The following GALNT3 variants were observed in gnomAD, a reference collection of about 807,000 sequenced individuals.
GALNT3 encodes the protein polypeptide N-acetylgalactosaminyltransferase 3, also known as GalNAc transferase 3.
Under a neutral mutation model 69.8 loss-of-function variants are expected in GALNT3, and 51 were observed. That is an observed-to-expected ratio of 0.73 (90% CI 0.58 to 0.92). The LOEUF (loss-of-function observed/expected upper bound fraction) is 0.92, where lower values mean the gene tolerates loss of function less well. Among genes scored for constraint, GALNT3 ranks in the 40% least tolerant of loss-of-function variants. GALNT3 has a pLI of 0.00. For missense variants in GALNT3, 711 were observed against 760.0 expected, an observed-to-expected ratio of 0.94 and a Z score of 0.76; for synonymous variants, 265 against 248.5, an observed-to-expected ratio of 1.07 and a Z score of -0.63.
At chr2:165,768,377 A>C (rs932388757) in intron 2 of GALNT3, among the ~76,000 whole-genome samples, 6 of 152,194 alleles carry the variant, frequency 3.9e-5, no homozygotes, top group African/African-American at 1.2e-4. Context: ...AATCATGATT[A>C]TTGATTTTTA....
intron 2 of GALNT3, among the ~76,000 whole-genome samples, chr2:165,766,300 C>G (rs1197883300): frequency 6.6e-6 from 1 of 152,196 alleles, no homozygotes; most frequent in Non-Finnish European, 1.5e-5. Context: ...ATTGATTGGG[C>G]ACAGGGAGAG....
intron 3 of GALNT3, among the ~76,000 whole-genome samples, chr2:165,762,284 C>CATTAATAA (rs772298988): frequency 1.1e-3 from 166 of 152,268 alleles, no homozygotes; most frequent in Admixed American, 3.5e-3. Context: ...CATACTTATT[C>CATTAATAA]TGTACACTTC....
chr2:165,755,203 A>C, intron 7 of GALNT3, 140 bp from the exon 8 acceptor site: 2 of 807,922 alleles, frequency 2.5e-6, no homozygotes, highest in Non-Finnish European at 4.1e-6. Context: ...AACAGCCTTC[A>C]TCATTCATTC....
In GALNT3 at chr2:165,748,518, T is replaced by C. The variant is rs577885163; in HGVS notation, c.*263A>G. 1 of 457,216 alleles carries C rather than the reference T, an allele frequency of 2.2e-6. No homozygotes were observed. Among genetic ancestry groups the C allele is most frequent in the African/African-American group, 1.9e-5 (1 of 51,362 alleles). The allele number at this position is 457,216 out of a possible 1,614,324, so 28.3% of individuals were successfully genotyped here. ...CACAAACATCACTTTACTTGGAAAATTATTTTCATCATACTGTAAACATCT... is the reference window on the plus strand; with the variant it reads ...CACAAACATCACTTTACTTGGAAAACTATTTTCATCATACTGTAAACATCT... On this transcript the variant is annotated 3_prime_UTR_variant, in exon 11 of 11. Transcript: ENST00000392701.
At chr2:165,752,958 ATGTC>A (rs1468721401) in intron 9 of GALNT3, among the ~76,000 whole-genome samples, 1 of 152,180 alleles carries the variant, frequency 6.6e-6, no homozygotes, top group Non-Finnish European at 1.5e-5. Context: ...GTATAGATGT[ATGTC>A]TGTCTATATG....
intron 1 of GALNT3, among the ~76,000 whole-genome samples, chr2:165,789,819 C>A (rs1292262877): frequency 6.6e-6 from 1 of 152,176 alleles, no homozygotes; most frequent in African/African-American, 2.4e-5. Flanking sequence ...TCAAACAGCA[C>A]TATTTCTGCA....
intron 2 of GALNT3, 60 bp from the exon 3 acceptor site, chr2:165,765,116 T>C (rs2105413541): frequency 3.0e-6 from 4 of 1,338,386 alleles, no homozygotes; most frequent in East Asian, 2.4e-5. Flanking sequence ...ATTTCACAGC[T>C]ATACCATTGC....
chr2:165,787,906 A>G (rs1683256577), intron 1 of GALNT3, among the ~76,000 whole-genome samples: 1 of 152,220 alleles, frequency 6.6e-6, no homozygotes, highest in Admixed American at 6.5e-5. Context: ...GAACAGAACC[A>G]AAAGGTCCCA....
Position 165,748,349 on chromosome 2 carries a change from G to A in GALNT3, c.*432C>T, listed in dbSNP as rs566500389. 3 of 240,686 alleles carry A rather than the reference G, an allele frequency of 1.2e-5. No individual in the cohort carries two copies. In the South Asian group the frequency reaches 3.6e-4, roughly 29 times the overall value. The allele number at this position is 240,686 out of a possible 1,614,324, so 14.9% of individuals were successfully genotyped here. A position where few individuals can be genotyped will look rare whatever the true frequency, so the allele number is the denominator to read the frequency against. ...TGGTTTGTACACAGAGGCCAATGCTGACATTTATTGATCTATTTTTATGTA... is the reference window on the plus strand; with the variant it reads ...TGGTTTGTACACAGAGGCCAATGCTAACATTTATTGATCTATTTTTATGTA... On this transcript the variant is annotated 3_prime_UTR_variant, in exon 11 of 11. Transcript: ENST00000392701.
intron 6 of GALNT3, among the ~76,000 whole-genome samples, chr2:165,757,910 CCAAG>C (rs1688474011): frequency 6.6e-6 from 1 of 152,102 alleles, no homozygotes; most frequent in Non-Finnish European, 1.5e-5. Context: ...GCCATAGTTA[CCAAG>C]CAAAGAATCA....
intron 1 of GALNT3, among the ~76,000 whole-genome samples, chr2:165,781,604 G>GA (rs553855165): frequency 0.012 from 1,482 of 121,270 alleles, 13 homozygotes; most frequent in Non-Finnish European, 0.019. Flanking sequence ...TCTCAAAAAA[G>GA]AAAAAAAAAA....
At position 165,761,172 on chromosome 2, in the gene GALNT3, G is replaced by A. The variant is rs188904915; in HGVS notation, c.838+733C>T. 2.9e-3 allele frequency among the ~76,000 whole-genome samples: 446 copies of A among 151,682 alleles called. 4 individuals carry two copies. Among genetic ancestry groups the A allele is most frequent in the African/African-American group, 0.01 (426 of 41,398 alleles). On this transcript the variant is annotated intron_variant, in intron 4 of 10. Coordinates refer to ENST00000392701, the MANE Select transcript of GALNT3 (RefSeq NM_004482.4). ...ATAAAAAAAGCAGCAGTACTAGGAC[G>A]AAGTTTAATGATAGGGTGGATTATA...
At chr2:165,753,140 G>A (rs1290496304) in intron 9 of GALNT3, among the ~76,000 whole-genome samples, 1 of 152,124 alleles carries the variant, frequency 6.6e-6, no homozygotes, top group Non-Finnish European at 1.5e-5. Flanking sequence ...TAATGGGTAG[G>A]AAGAAATATA....
At chr2:165,771,727 C>T (rs930380209) in intron 1 of GALNT3, 3 of 152,142 alleles carry the variant, frequency 2.0e-5, no homozygotes, top group Non-Finnish European at 4.4e-5. Context: ...AGGGAAAATG[C>T]CTGTTCTTCC....
chr2:165,792,327 T>C (rs1683371361), intron 1 of GALNT3, among the ~76,000 whole-genome samples: 1 of 152,230 alleles, frequency 6.6e-6, no homozygotes, highest in East Asian at 1.9e-4. Flanking sequence ...AAAGACAGTC[T>C]GGTAACATCT....
chr2:165,764,853 GAAACAATC>G, intron 3 of GALNT3, 23 bp downstream of exon 3: 1 of 1,611,188 alleles, frequency 6.2e-7, no homozygotes, highest in Non-Finnish European at 8.5e-7. Context: ...ATGGATTTGG[GAAACAATC>G]TAATTTGCAT....
Position 165,757,242 on chromosome 2 carries a change from C to T in GALNT3, c.1197G>A (p.Trp399Ter). The T allele has an allele frequency of 6.2e-7, 1 of 1,613,346 alleles. No individual in the cohort carries two copies. The change falls in exon 7 of 11, where the codon TGG becomes TGA. Residue 399 changes from tryptophan (W) to a stop codon, truncating the protein, a stop_gained. Coordinates refer to ENST00000392701, the MANE Select transcript of GALNT3 (RefSeq NM_004482.4). LOFTEE classifies it high-confidence loss of function. Reference protein sequence around the residue: ...GENIEMSFRVWQCGGQLEIMP... With the variant: ...GENIEMSFRV ...TAATCTCCAACTGCCCACCACATTG[C>T]CATACCTGATAATTAATGATATTTG...
At chr2:165,792,996 G>A (rs1442758678) in intron 1 of GALNT3, among the ~76,000 whole-genome samples, 1 of 152,128 alleles carries the variant, frequency 6.6e-6, no homozygotes, top group Non-Finnish European at 1.5e-5. Context: ...AGCAAGTTAT[G>A]TTAACGTTTT....
intron 1 of GALNT3, among the ~76,000 whole-genome samples, chr2:165,793,229 A>G (rs183019753): frequency 1.3e-5 from 2 of 152,228 alleles, no homozygotes; most frequent in Admixed American, 6.5e-5. Context: ...TGAACCTTTG[A>G]GTCATATGCC....
Sources: allele counts gnomAD v4.1 joint callset (sites outside exome capture counted in the v4.1 genomes callset), GRCh38; gene constraint gnomAD v4.1.1; transcripts MANE v1.5; gene names NCBI Gene and HGNC (gene_info 2026-07-23, HGNC 2026-07-21).